The following PEX5L variants were observed in gnomAD, a reference collection of about 807,000 sequenced individuals.
PEX5L encodes the protein peroxisomal biogenesis factor 5 like.
PEX5L carries 30 observed loss-of-function variants against 84.0 expected under a neutral mutation model. The observed-to-expected ratio is 0.36, with a 90% confidence interval of 0.27 to 0.48. The LOEUF is 0.48. PEX5L is among the 20% of genes least tolerant of loss of function. PEX5L has a pLI of 0.99. For missense variants in PEX5L, 533 were observed against 754.6 expected (o/e 0.71, Z 3.44); for synonymous variants, 270 against 283.1 (o/e 0.95, Z 0.46).
intron 1 of PEX5L, among the ~76,000 whole-genome samples, chr3:180,023,427 A>G (rs1790597349): frequency 6.6e-6 from 1 of 152,228 alleles, no homozygotes; most frequent in Admixed American, 6.5e-5. Flanking sequence ...GCTCCCAAAC[A>G]GCACGTCCTC....
intron 8 of PEX5L, among the ~76,000 whole-genome samples, chr3:179,826,655 C>T (rs1266031048): frequency 1.3e-5 from 2 of 151,904 alleles, no homozygotes; most frequent in African/African-American, 4.8e-5. Flanking sequence ...GTCTGTGTTC[C>T]GTATGATAAC....
intron 7 of PEX5L, among the ~76,000 whole-genome samples, chr3:179,872,719 C>T (rs1485871164): frequency 6.6e-6 from 1 of 152,168 alleles, no homozygotes; most frequent in Non-Finnish European, 1.5e-5. Context: ...CCCACCTGTG[C>T]CAAGTCTCAC....
intron 8 of PEX5L, among the ~76,000 whole-genome samples, chr3:179,821,891 T>C (rs1289177068): frequency 6.6e-6 from 1 of 152,224 alleles, no homozygotes; most frequent in Non-Finnish European, 1.5e-5. Context: ...GAGGGATGTT[T>C]TTCCTGCCTC....
intron 4 of PEX5L, among the ~76,000 whole-genome samples, chr3:179,882,413 T>G (rs954464150): frequency 6.6e-6 from 1 of 152,220 alleles, no homozygotes; most frequent in Non-Finnish European, 1.5e-5. Flanking sequence ...TGTTCTGAGC[T>G]CTTTGTCCCT....
chr3:179,860,904 C>T (rs1221166841), intron 7 of PEX5L, among the ~76,000 whole-genome samples: 1 of 152,180 alleles, frequency 6.6e-6, no homozygotes, highest in East Asian at 1.9e-4. Context: ...CACTGCTTCT[C>T]CCAGGAGGCT....
chr3:179,958,729 A>G (rs910545866), intron 2 of PEX5L, among the ~76,000 whole-genome samples: 1 of 152,252 alleles, frequency 6.6e-6, no homozygotes, highest in African/African-American at 2.4e-5. Flanking sequence ...CATTCAGATA[A>G]AGGATTTAAG....
chr3:179,840,183 GTTTTT>G (rs71182521), intron 8 of PEX5L, among the ~76,000 whole-genome samples: 1 of 78,720 alleles, frequency 1.3e-5, no homozygotes, highest in Non-Finnish European at 2.3e-5. Flanking sequence ...GTGTGTGTGT[GTTTTT>G]TTTTTTTTTT....
At chr3:179,845,681 T>C (rs987023311) in intron 8 of PEX5L, among the ~76,000 whole-genome samples, 2 of 152,236 alleles carry the variant, frequency 1.3e-5, no homozygotes, top group African/African-American at 4.8e-5. Flanking sequence ...ATGTGGTTTC[T>C]AGTTCTGCCT....
intron 1 of PEX5L, among the ~76,000 whole-genome samples, chr3:180,007,570 A>C (rs535421336): frequency 6.6e-6 from 1 of 152,268 alleles, no homozygotes; most frequent in South Asian, 2.1e-4. Flanking sequence ...TCCCTTCCAC[A>C]CTGCCCTAGC....
Position 179,898,044 on chromosome 3 carries a change from G to T in PEX5L, c.198+98C>A, listed in dbSNP as rs1014595899. The T allele has an allele frequency of 9.1e-6, 6 of 655,968 alleles. No homozygotes were observed. The Admixed American group carries it at 1.9e-4, about 20-fold the overall frequency. The allele number at this position is 655,968 out of a possible 1,614,324, so 40.6% of individuals were successfully genotyped here. A position where few individuals can be genotyped will look rare whatever the true frequency, so the allele number is the denominator to read the frequency against. The stretch of plus-strand genomic sequence containing the variant: ...ATTGAAACTGTCTTTAAAAAAATTG[G>T]TTCAAGAGTTAAAGTTTTTTTTTTC... On this transcript the variant is annotated intron_variant, in intron 3 of 14. Coordinates refer to ENST00000467460, the MANE Select transcript of PEX5L (RefSeq NM_016559.3).
chr3:179,944,937 C>T lies in PEX5L; in HGVS notation c.93+26657G>A, dbSNP rs188241692. ...GTCTCTTAACATCTCCCTCTGTGTC[C>T]GCTTCACAAGGCAAGGTTGCCTGTC... On this transcript the variant is annotated intron_variant, in intron 2 of 14. Transcript: ENST00000467460. Among the ~76,000 whole-genome samples, 97 of 152,284 alleles carry T rather than the reference C, an allele frequency of 6.4e-4. 1 individual carries two copies. The highest frequency in any genetic ancestry group is 2.1e-3 in the African/African-American group (89 of 41,548).
rs1294012667 is a variant in PEX5L, at chr3:179,800,541, A to T, written c.*1287T>A. On this transcript the variant is annotated 3_prime_UTR_variant, in exon 15 of 15. Coordinates refer to ENST00000467460, the MANE Select transcript of PEX5L (RefSeq NM_016559.3). ...CAAACACATACAAAACACTGTGGAG[A>T]ACTAAGTGGAATTCAACCAATTAAA... is the stretch of plus-strand genomic sequence containing the variant. The T allele has an allele frequency of 6.6e-6, 1 of 152,224 alleles. No individual in the cohort carries two copies. The allele number at this position is 152,224 out of a possible 1,614,324, so 9.4% of individuals were successfully genotyped here. A position where few individuals can be genotyped will look rare whatever the true frequency, so the allele number is the denominator to read the frequency against.
At chr3:180,011,944 T>G (rs1016146030) in intron 1 of PEX5L, among the ~76,000 whole-genome samples, 1 of 152,230 alleles carries the variant, frequency 6.6e-6, no homozygotes, top group Non-Finnish European at 1.5e-5. Context: ...GCACTGACTA[T>G]CTGAGATGAA....
rs893665685 is a variant in PEX5L at position 179,801,619 on chromosome 3, G to A, written c.*209C>T. On this transcript the variant is annotated 3_prime_UTR_variant, in exon 15 of 15. Coordinates refer to ENST00000467460, the MANE Select transcript of PEX5L (RefSeq NM_016559.3). ...TTGAGTCTCTTAATTCTTCTTTTGA[G>A]CCTGACTTTGACTCTATATACAACA... The A allele has an allele frequency of 1.8e-6, 1 of 541,510 alleles. No individual in the cohort carries two copies. The highest frequency in any genetic ancestry group is 3.3e-6 in the Non-Finnish European group (1 of 304,570). 33.5% of individuals were successfully genotyped at this position (541,510 alleles called of 1,614,324 possible). A position where few individuals can be genotyped will look rare whatever the true frequency, so the allele number is the denominator to read the frequency against.
At chr3:179,976,378 G>A (rs1785789042) in intron 1 of PEX5L, among the ~76,000 whole-genome samples, 1 of 152,182 alleles carries the variant, frequency 6.6e-6, no homozygotes, top group Non-Finnish European at 1.5e-5. Flanking sequence ...CATTGGTGGT[G>A]AGCGTAGGAA....
At chr3:179,952,035 T>C (rs1779222693) in intron 2 of PEX5L, among the ~76,000 whole-genome samples, 1 of 152,226 alleles carries the variant, frequency 6.6e-6, no homozygotes, top group Admixed American at 6.5e-5. Context: ...AATAGTGACT[T>C]TTTCCTCTTA....
rs184943321 is a variant in PEX5L at position 180,010,685 on chromosome 3, C to T, written c.21+25894G>A. ...ATCTAAAACTGCTCTTCTTCAGTAA[C>T]TTCCTTCTCATCTAGTATCAATCTC... On this transcript the variant is annotated intron_variant, in intron 1 of 14. Transcript: ENST00000467460. Among the ~76,000 whole-genome samples the T allele has an allele frequency of 2.6e-5, 4 of 151,710 alleles. No individual in the cohort carries two copies. The East Asian group carries it at 7.8e-4, about 29-fold the overall frequency.
intron 1 of PEX5L, among the ~76,000 whole-genome samples, chr3:180,005,714 G>A (rs976949810): frequency 7.4e-5 from 11 of 148,292 alleles, no homozygotes; most frequent in African/African-American, 2.9e-4. Flanking sequence ...GGGCGACAGA[G>A]CGAGACTCTG....
chr3:179,985,412 C>T (rs1786722713), intron 1 of PEX5L, among the ~76,000 whole-genome samples: 1 of 152,070 alleles, frequency 6.6e-6, no homozygotes, highest in South Asian at 2.1e-4. Flanking sequence ...CAGGCTTTTC[C>T]AGGCTGGAAG....
Sources: allele counts gnomAD v4.1 joint callset (sites outside exome capture counted in the v4.1 genomes callset), GRCh38; gene constraint gnomAD v4.1.1; transcripts MANE v1.5; gene names NCBI Gene and HGNC (gene_info 2026-07-23, HGNC 2026-07-21).